Variants in TPRG1 observed in about 807,000 individuals in gnomAD.
The protein encoded by TPRG1 is tumor protein p63 regulated 1, also known as tumor protein p63-regulated gene 1 protein.
TPRG1 carries 29 observed loss-of-function variants against 29.3 expected under a neutral mutation model. The observed-to-expected ratio is 0.99, with a 90% CI of 0.74 to 1.35. The LOEUF is 1.35. TPRG1 is among the 40% of genes most tolerant of loss of function. TPRG1 has a pLI of 0.00. For missense variants in TPRG1, 327 were observed against 335.0 expected (o/e 0.98, Z 0.19); for synonymous variants, 130 against 116.8 (o/e 1.11, Z -0.73).
intron 4 of TPRG1, among the ~76,000 whole-genome samples, chr3:189,277,577 A>T (rs536196775): frequency 7.0e-6 from 1 of 142,468 alleles, no homozygotes; most frequent in East Asian, 2.0e-4. Context: ...TGCAGTGAAC[A>T]CGTTTGGACA....
intron 5 of TPRG1, among the ~76,000 whole-genome samples, chr3:189,162,684 C>A (rs1355039805): frequency 3.9e-5 from 6 of 152,026 alleles, no homozygotes; most frequent in Non-Finnish European, 7.4e-5. Context: ...GACAGTAAAG[C>A]TAAAGACAGA....
chr3:189,320,947 T>A lies in TPRG1; in HGVS notation c.*127T>A. ...AAATGACGCTTTATGATTTAGAAAT[T>A]TAGTATTTCCGAAAATTTAAAAGCT... On this transcript the variant is annotated 3_prime_UTR_variant, in exon 6 of 6. Transcript: ENST00000345063. The A allele has an allele frequency of 1.1e-6, 1 of 948,712 alleles. No homozygotes were observed. The highest frequency in any genetic ancestry group is 1.5e-6 in the Non-Finnish European group (1 of 672,660). 58.8% of individuals were successfully genotyped at this position (948,712 alleles called of 1,614,324 possible).
At chr3:189,227,910 T>A (rs2033590823) in intron 3 of TPRG1, among the ~76,000 whole-genome samples, 1 of 152,072 alleles carries the variant, frequency 6.6e-6, no homozygotes, top group African/African-American at 2.4e-5. Context: ...TTGCCAGAGC[T>A]CAGGAGTTCG....
intron 4 of TPRG1, among the ~76,000 whole-genome samples, chr3:189,034,396 A>G (rs1714127154): frequency 6.6e-6 from 1 of 152,216 alleles, no homozygotes. Flanking sequence ...GACAAATATG[A>G]TCAGATAGCA....
At chr3:189,040,917 A>C (rs1368158438) in intron 4 of TPRG1, among the ~76,000 whole-genome samples, 1 of 152,086 alleles carries the variant, frequency 6.6e-6, no homozygotes, top group Non-Finnish European at 1.5e-5. Context: ...GCTATTCCTT[A>C]GATTGACTTA....
intron 3 of TPRG1, among the ~76,000 whole-genome samples, chr3:189,227,141 T>C (rs893872592): frequency 6.6e-6 from 1 of 150,556 alleles, no homozygotes; most frequent in Non-Finnish European, 1.5e-5. Context: ...AGTGAGATCC[T>C]GTCTTCACAA....
chr3:189,120,970 G>T (rs1721761138), intron 1 of TPRG1, among the ~76,000 whole-genome samples: 1 of 152,156 alleles, frequency 6.6e-6, no homozygotes, highest in South Asian at 2.1e-4. Flanking sequence ...TAAAATTAAG[G>T]ACATGTGTGG....
chr3:189,272,797 G>A (rs1473829976), intron 4 of TPRG1, among the ~76,000 whole-genome samples: 1 of 147,104 alleles, frequency 6.8e-6, no homozygotes, highest in Non-Finnish European at 1.5e-5. Context: ...TTTCTACAAA[G>A]GCTCAATACT....
intron 1 of TPRG1, among the ~76,000 whole-genome samples, chr3:189,193,851 G>T (rs1353266570): frequency 6.7e-6 from 1 of 149,346 alleles, no homozygotes; most frequent in African/African-American, 2.5e-5. Context: ...GTTTTTGGTT[G>T]TTTGTTTCTT....
chr3:189,015,413 G>A lies in TPRG1; in HGVS notation c.-659-8337G>A, dbSNP rs562538566. 2.6e-5 allele frequency among the ~76,000 whole-genome samples: 4 copies of A among 152,290 alleles called. No homozygotes were observed. In the East Asian group the frequency reaches 7.7e-4, roughly 29 times the overall value. On this transcript the variant is annotated intron_variant, in intron 3 of 10. Coordinates refer to the TPRG1 transcript ENST00000433971. Reference sequence around the variant, plus strand: ...AGCATCAAAGTTTGGAAAATTTGCAGCCCAACTATATGGTAGAGAAGAAAA... The same window carrying A: ...AGCATCAAAGTTTGGAAAATTTGCAACCCAACTATATGGTAGAGAAGAAAA...
intron 3 of TPRG1, among the ~76,000 whole-genome samples, chr3:189,219,120 A>G (rs1173111339): frequency 1.3e-5 from 2 of 152,242 alleles, no homozygotes; most frequent in African/African-American, 4.8e-5. Context: ...TTAGAAGAAT[A>G]AAACAATGCA....
At chr3:189,001,412 G>A (rs1402491721) in intron 2 of TPRG1, among the ~76,000 whole-genome samples, 1 of 152,182 alleles carries the variant, frequency 6.6e-6, no homozygotes, top group Admixed American at 6.5e-5. Context: ...TAAGATCAAG[G>A]TATTGGCAGA....
chr3:189,168,354 G>A (rs1236880817), upstream of TPRG1, among the ~76,000 whole-genome samples: 1 of 152,214 alleles, frequency 6.6e-6, no homozygotes, highest in Non-Finnish European at 1.5e-5. Flanking sequence ...CTTGTCAAAA[G>A]CAGAAGGGGC....
Position 189,283,589 on chromosome 3 carries a change from A to G in TPRG1, c.480-26797A>G, listed in dbSNP as rs536459596. Among the ~76,000 whole-genome samples, 3 of 152,328 alleles carry G rather than the reference A, an allele frequency of 2.0e-5. No homozygotes were observed. The South Asian group carries it at 6.2e-4, about 32-fold the overall frequency. On this transcript the variant is annotated intron_variant, in intron 4 of 5. Transcript: ENST00000345063. Reference sequence around the variant, plus strand: ...AATTAACATTTATAGAGGTTCTCTTAAAAATAATATTGGGTGGCTCATGAA... The same window carrying G: ...AATTAACATTTATAGAGGTTCTCTTGAAAATAATATTGGGTGGCTCATGAA...
intron 4 of TPRG1, among the ~76,000 whole-genome samples, chr3:189,085,878 T>C (rs1182188709): frequency 6.6e-6 from 1 of 152,188 alleles, no homozygotes. Flanking sequence ...AGTCATAAAA[T>C]CATGAAATTA....
At chr3:189,180,240 T>C (rs1730033921) in intron 1 of TPRG1, among the ~76,000 whole-genome samples, 1 of 152,126 alleles carries the variant, frequency 6.6e-6, no homozygotes, top group South Asian at 2.1e-4. Context: ...ACCATATCAT[T>C]CCACCTCTGG....
At chr3:189,170,004 G>C (rs576924741), upstream of TPRG1, among the ~76,000 whole-genome samples, 1 of 152,174 alleles carries the variant, frequency 6.6e-6, no homozygotes, top group East Asian at 1.9e-4. Flanking sequence ...GAAACCTAAC[G>C]ATAATTAGAT....
chr3:189,073,726 C>A (rs192067857), intron 4 of TPRG1, among the ~76,000 whole-genome samples: 3 of 152,174 alleles, frequency 2.0e-5, no homozygotes, highest in South Asian at 2.1e-4. Flanking sequence ...TGTAGGTGAG[C>A]AATTTTATTA....
At chr3:189,204,060 A>C (rs1007498891) in intron 1 of TPRG1, among the ~76,000 whole-genome samples, 1 of 149,170 alleles carries the variant, frequency 6.7e-6, no homozygotes, top group Non-Finnish European at 1.5e-5. Context: ...AAAAAAAAAA[A>C]AACTGAACAT....
Sources: gnomAD v4.1 joint callset for allele counts (sites outside exome capture counted in the v4.1 genomes callset) on GRCh38, gnomAD v4.1.1 for gene constraint, MANE v1.5 for transcripts, NCBI Gene and HGNC (gene_info 2026-07-23, HGNC 2026-07-21) for gene names.